The following DLGAP2 variants were observed in gnomAD, a reference collection of about 807,000 sequenced individuals.
DLGAP2 encodes the protein disks large-associated protein 2.
In DLGAP2, 26 loss-of-function variants were observed where a neutral mutation model predicts 100.3. The observed-to-expected ratio is 0.26, with a 90% CI of 0.19 to 0.36. The LOEUF is 0.36. DLGAP2 is among the 10% of genes least tolerant of loss of function. DLGAP2 has a pLI of 1.00. For missense variants in DLGAP2, 1,858 were observed against 1,453.2 expected (o/e 1.28, Z -4.53); for synonymous variants, 886 against 630.1 (o/e 1.41, Z -6.08).
At chr8:1,190,631 A>C (rs968548796) in intron 2 of DLGAP2, among the ~76,000 whole-genome samples, 3 of 152,178 alleles carry the variant, frequency 2.0e-5, no homozygotes, top group African/African-American at 7.2e-5. Flanking sequence ...TGACTGTGCG[A>C]GGTTGTGAGT....
chr8:1,627,114 T>C (rs1457131690), intron 7 of DLGAP2, among the ~76,000 whole-genome samples: 1 of 152,244 alleles, frequency 6.6e-6, no homozygotes, highest in East Asian at 1.9e-4. Flanking sequence ...GCGTTGATTT[T>C]TTTCTGAGGA....
chr8:877,679 C>G (rs779793618), intron 1 of DLGAP2, among the ~76,000 whole-genome samples: 2 of 152,218 alleles, frequency 1.3e-5, no homozygotes, highest in Non-Finnish European at 2.9e-5. Context: ...AAGCCAGTAA[C>G]CTACAGGTTC....
intron 2 of DLGAP2, among the ~76,000 whole-genome samples, chr8:1,204,309 T>G (rs2044922): frequency 0.57 from 86,115 of 152,088 alleles, 26,748 homozygotes; most frequent in African/African-American, 0.83. Context: ...GATCGGAAGT[T>G]CTCACGAGAG....
At chr8:1,504,477 G>C (rs953916970) in intron 4 of DLGAP2, among the ~76,000 whole-genome samples, 1 of 152,080 alleles carries the variant, frequency 6.6e-6, no homozygotes, top group African/African-American at 2.4e-5. Flanking sequence ...CCACCACGTG[G>C]TACCATAGAC....
At chr8:1,462,794 G>T (rs898330838) in intron 3 of DLGAP2, among the ~76,000 whole-genome samples, 1 of 152,202 alleles carries the variant, frequency 6.6e-6, no homozygotes, top group Admixed American at 6.5e-5. Flanking sequence ...TCATCTCCGT[G>T]AGATACAGCA....
At chr8:1,009,754 G>C (rs567596356) in intron 2 of DLGAP2, among the ~76,000 whole-genome samples, 3 of 152,290 alleles carry the variant, frequency 2.0e-5, no homozygotes, top group African/African-American at 7.2e-5. Flanking sequence ...CCTCTCATTT[G>C]TCTCCACAGC....
intron 2 of DLGAP2, among the ~76,000 whole-genome samples, chr8:1,254,974 T>TGCTGTGTGTGTGTCCTCTCATCCTGC (rs1799146161): frequency 9.3e-5 from 3 of 32,376 alleles, no homozygotes; most frequent in African/African-American, 2.2e-4. Flanking sequence ...TCTCATCCTG[T>TGCTGTGTGTGTGTCCTCTCATCCTGC]CCGGGTGCTG....
chr8:976,828 G>C (rs1035713353), intron 2 of DLGAP2, among the ~76,000 whole-genome samples: 1 of 152,120 alleles, frequency 6.6e-6, no homozygotes, highest in Non-Finnish European at 1.5e-5. Context: ...ATGCAAAACT[G>C]TAAAACTTAT....
chr8:1,004,019 G>C (rs1224164983), intron 2 of DLGAP2, among the ~76,000 whole-genome samples: 1 of 151,898 alleles, frequency 6.6e-6, no homozygotes, highest in Non-Finnish European at 1.5e-5. Context: ...TTATTCTCTT[G>C]ATGTTGCCTG....
At chr8:790,059 T>G (rs988054705) in intron 1 of DLGAP2, among the ~76,000 whole-genome samples, 1 of 152,024 alleles carries the variant, frequency 6.6e-6, no homozygotes, top group Non-Finnish European at 1.5e-5. Flanking sequence ...AAATACATCT[T>G]GGCTCCTGTT....
chr8:1,227,648 A>T (rs980978224), intron 2 of DLGAP2, among the ~76,000 whole-genome samples: 1 of 152,146 alleles, frequency 6.6e-6, no homozygotes, highest in Admixed American at 6.6e-5. Flanking sequence ...GGAGGCCGTT[A>T]TGCTAAATGA....
At chr8:1,478,410 A>G (rs969914078) in intron 3 of DLGAP2, among the ~76,000 whole-genome samples, 11 of 152,206 alleles carry the variant, frequency 7.2e-5, no homozygotes, top group African/African-American at 2.4e-4. Context: ...TGACATTTTC[A>G]GGAGCTCCTC....
intron 6 of DLGAP2, among the ~76,000 whole-genome samples, chr8:1,609,392 G>A (rs1469228914): frequency 2.9e-5 from 4 of 135,844 alleles, no homozygotes; most frequent in Non-Finnish European, 6.5e-5. Flanking sequence ...TGAAGGAAGC[G>A]CTAAACATGG....
intron 4 of DLGAP2, among the ~76,000 whole-genome samples, chr8:1,529,400 C>A (rs1193833932): frequency 1.3e-5 from 2 of 152,176 alleles, no homozygotes; most frequent in Non-Finnish European, 2.9e-5. Context: ...GGCCATATCA[C>A]CTTCTTATGA....
At chr8:1,022,184 A>T (rs1223142768) in intron 2 of DLGAP2, among the ~76,000 whole-genome samples, 1 of 151,950 alleles carries the variant, frequency 6.6e-6, no homozygotes, top group African/African-American at 2.4e-5. Context: ...GCTGAGGTAG[A>T]CACTCCAAAC....
At chr8:836,782 T>C (rs761560673) in intron 1 of DLGAP2, among the ~76,000 whole-genome samples, 2 of 152,198 alleles carry the variant, frequency 1.3e-5, no homozygotes, top group Non-Finnish European at 2.9e-5. Context: ...AAGCTGCTTA[T>C]TTAAAGATGG....
chr8:774,484 C>G (rs1821457126), intron 1 of DLGAP2, among the ~76,000 whole-genome samples: 1 of 151,870 alleles, frequency 6.6e-6, no homozygotes, highest in South Asian at 2.1e-4. Context: ...GGTTTTAGGT[C>G]TAACGTTTAA....
intron 1 of DLGAP2, among the ~76,000 whole-genome samples, chr8:897,088 C>T (rs1364587741): frequency 1.3e-5 from 2 of 152,132 alleles, no homozygotes; most frequent in African/African-American, 2.4e-5. Context: ...AATCGGAGCC[C>T]CCTTCCTGCG....
At chr8:1,233,694 G>C (rs1391678440) in intron 2 of DLGAP2, among the ~76,000 whole-genome samples, 1 of 152,214 alleles carries the variant, frequency 6.6e-6, no homozygotes, top group African/African-American at 2.4e-5. Context: ...GTGCCTAAGA[G>C]TGTGTTGAGC....
Sources: allele counts gnomAD v4.1 joint callset (sites outside exome capture counted in the v4.1 genomes callset), GRCh38; gene constraint gnomAD v4.1.1; transcripts MANE v1.5; gene names NCBI Gene and HGNC (gene_info 2026-07-23, HGNC 2026-07-21).